Variants in ZMYND11 observed in about 807,000 individuals in gnomAD.
ZMYND11 encodes zinc finger MYND domain-containing protein 11.
A neutral mutation model predicts 84.9 loss-of-function variants in ZMYND11; 9 were observed. The ratio of observed to expected loss-of-function variants is 0.11; its 90% CI spans 0.06 to 0.18. ZMYND11 has a LOEUF of 0.18. Among genes scored for constraint, ZMYND11 ranks in the 10% least tolerant of loss-of-function variants. ZMYND11 has a pLI of 1.00. For synonymous variants in ZMYND11, 250 were observed against 244.1 expected (o/e 1.02, Z -0.23); for missense variants, 409 against 761.0 (o/e 0.54, Z 5.44).
intron 3 of ZMYND11, among the ~76,000 whole-genome samples, chr10:213,140 C>G (rs1180574335): frequency 6.6e-6 from 1 of 152,036 alleles, no homozygotes; most frequent in African/African-American, 2.4e-5. Context: ...ATGGGGGTGC[C>G]AGATGTGAAC....
chr10:238,041 G>GA (rs771287855), intron 6 of ZMYND11, among the ~76,000 whole-genome samples: 50 of 151,470 alleles, frequency 3.3e-4, no homozygotes, highest in Non-Finnish European at 6.2e-4. Context: ...GTTCCTCTCA[G>GA]AAAAAAAAGT....
At chr10:224,401 T>C (rs953537398) in intron 4 of ZMYND11, among the ~76,000 whole-genome samples, 5 of 152,234 alleles carry the variant, frequency 3.3e-5, no homozygotes, top group Non-Finnish European at 7.3e-5. Flanking sequence ...AACTTTTGCT[T>C]TATGGACACA....
upstream of ZMYND11, chr10:135,163 G>A (rs1366873065): frequency 2.0e-5 from 3 of 150,632 alleles, no homozygotes; most frequent in African/African-American, 7.3e-5. This position sits in a 1 kb window ranked among gnomAD's most constrained non-coding sequence, Gnocchi z 5.6. Context: ...CCCGCCGCCC[G>A]CTCCGGCCCC....
chr10:200,912 A>T (rs1004902619), intron 2 of ZMYND11, among the ~76,000 whole-genome samples: 1 of 152,162 alleles, frequency 6.6e-6, no homozygotes, highest in African/African-American at 2.4e-5. Context: ...CAAAATGGAA[A>T]TTAGTGATAA....
rs1554774409 is a variant in ZMYND11 at position 200,205 on chromosome 10, G to GGTGTGTGTGTGTGTGTTT, written c.117-9668_117-9667insTTGTGTGTGTGTGTGTGT. ...GACATGTGCTGCCATGCCTGGCTAG[G>GGTGTGTGTGTGTGTGTTT]GTGTGTGTGTGTGTGTGTGTATAAT... is the stretch of plus-strand genomic sequence containing the variant. On this transcript the variant is annotated intron_variant, in intron 2 of 14. Transcript: ENST00000381604. Among the ~76,000 whole-genome samples the GGTGTGTGTGTGTGTGTTT allele has an allele frequency of 1.8e-4, 24 of 132,434 alleles. 1 individual carries two copies. The highest frequency in any genetic ancestry group is 2.5e-4 in the Non-Finnish European group (16 of 63,222). The allele number at this position is 132,434 out of a possible 152,430, so 86.9% of individuals were successfully genotyped here. A position where few individuals can be genotyped will look rare whatever the true frequency, so the allele number is the denominator to read the frequency against.
At chr10:165,511 TAGTC>T (rs1336364756) in intron 1 of ZMYND11, among the ~76,000 whole-genome samples, 1 of 152,126 alleles carries the variant, frequency 6.6e-6, no homozygotes. Context: ...CACCTGAACT[TAGTC>T]TGTCTGAAAC....
At chr10:209,594 GTC>G (rs1263962352) in intron 2 of ZMYND11, among the ~76,000 whole-genome samples, 23 of 152,308 alleles carry the variant, frequency 1.5e-4, no homozygotes, top group African/African-American at 5.3e-4. Flanking sequence ...TTTGACTACA[GTC>G]TCTTAAGTGA....
Position 253,830 on chromosome 10 carries a change from G to A in ZMYND11, c.*1360G>A, listed in dbSNP as rs1176004861. The stretch of plus-strand genomic sequence containing the variant: ...ACTCACAATGGAAGTGAAAGAATCA[G>A]GAGAAAAGCCTTTTAAAAAGTATTC... On this transcript the variant is annotated 3_prime_UTR_variant, in exon 15 of 15. Transcript: ENST00000381604. The A allele has an allele frequency of 6.6e-6, 1 of 152,540 alleles. No individual in the cohort carries two copies. Among genetic ancestry groups the A allele is most frequent in the Admixed American group, 6.5e-5 (1 of 15,272 alleles). 9.4% of individuals were successfully genotyped at this position (152,540 alleles called of 1,614,324 possible).
At chr10:177,635 C>G (rs1554767228) in intron 1 of ZMYND11, among the ~76,000 whole-genome samples, 2 of 151,872 alleles carry the variant, frequency 1.3e-5, no homozygotes, top group African/African-American at 4.8e-5. Flanking sequence ...AAAATGTTAG[C>G]TTTGCTGTTA....
intron 2 of ZMYND11, among the ~76,000 whole-genome samples, chr10:207,971 G>A (rs900408057): frequency 6.9e-4 from 105 of 152,140 alleles, no homozygotes; most frequent in Non-Finnish European, 1.0e-3. Context: ...GGAACAGAAC[G>A]GAGCCCTCAG....
At chr10:232,045 A>G (rs1385070342) in intron 4 of ZMYND11, among the ~76,000 whole-genome samples, 2 of 152,220 alleles carry the variant, frequency 1.3e-5, no homozygotes, top group Non-Finnish European at 2.9e-5. Context: ...AATAGGAATA[A>G]TTCTTCAAAG....
intron 4 of ZMYND11, among the ~76,000 whole-genome samples, chr10:224,081 G>A (rs1389873919): frequency 6.6e-6 from 1 of 152,074 alleles, no homozygotes; most frequent in Admixed American, 6.6e-5. Flanking sequence ...ACCTAAAACT[G>A]ACAATGAAAA....
chr10:169,014 G>C (rs2131602674), intron 1 of ZMYND11, among the ~76,000 whole-genome samples: 1 of 152,250 alleles, frequency 6.6e-6, no homozygotes, highest in African/African-American at 2.4e-5. Flanking sequence ...TGTGCTTCTT[G>C]GAGCGGGAGG....
chr10:245,024 C>T (rs1030585382), intron 10 of ZMYND11, among the ~76,000 whole-genome samples: 2 of 152,126 alleles, frequency 1.3e-5, no homozygotes, highest in Non-Finnish European at 2.9e-5. Flanking sequence ...ATTCCTACTA[C>T]ATAATAGGAA....
At position 174,622 on chromosome 10, in the gene ZMYND11, C is replaced by T. The variant is rs557947745; in HGVS notation, c.-19-5372C>T. Among the ~76,000 whole-genome samples, 106 of 151,604 alleles carry T rather than the reference C, an allele frequency of 7.0e-4. 3 individuals are homozygous for T. In the Middle Eastern group the frequency reaches 0.01, roughly 15 times the overall value. ...AAAACCCATGAGTACTACAGTGGCA[C>T]GTGCTTGTCATTCATACATTAGTCA... On this transcript the variant is annotated intron_variant, in intron 1 of 14. Coordinates refer to ENST00000381604, the MANE Select transcript of ZMYND11 (RefSeq NM_001370100.5).
rs533521424 is a variant in ZMYND11, at chr10:210,741, C to T, written c.276+693C>T. On this transcript the variant is annotated intron_variant, in intron 3 of 14. Coordinates refer to ENST00000381604, the MANE Select transcript of ZMYND11 (RefSeq NM_001370100.5). The stretch of plus-strand genomic sequence containing the variant: ...CATATCGAAGTACATTTTTTTCTTA[C>T]GTAAAGATTGATTTCATGTGTAATA... 6.6e-5 allele frequency among the ~76,000 whole-genome samples: 10 copies of T among 152,166 alleles called. No individual in the cohort carries two copies. The South Asian group carries it at 1.5e-3, about 22-fold the overall frequency.
chr10:143,400 C>T (rs541566733), intron 1 of ZMYND11, among the ~76,000 whole-genome samples: 1 of 152,282 alleles, frequency 6.6e-6, no homozygotes, highest in East Asian at 1.9e-4. Context: ...GTTTTTCTAT[C>T]TCGAAAGTAT....
intron 2 of ZMYND11, among the ~76,000 whole-genome samples, chr10:185,280 T>C (rs920590683): frequency 1.3e-5 from 2 of 152,038 alleles, no homozygotes; most frequent in African/African-American, 2.4e-5. Context: ...CCAATCAGGA[T>C]TGTAGCTCTC....
At chr10:167,460 A>G (rs1554764233) in intron 1 of ZMYND11, among the ~76,000 whole-genome samples, 1 of 152,168 alleles carries the variant, frequency 6.6e-6, no homozygotes. Context: ...CTTTACTAGT[A>G]TAACTAAAAA....
Sources: gnomAD v4.1 joint callset for allele counts (sites outside exome capture counted in the v4.1 genomes callset) on GRCh38, gnomAD v4.1.1 for gene constraint, Gnocchi (gnomAD v3.1) non-coding constraint, MANE v1.5 for transcripts, NCBI Gene and HGNC (gene_info 2026-07-23, HGNC 2026-07-21) for gene names.